INPP4A: variants seen among roughly 807,000 people sequenced by gnomAD.
INPP4A encodes inositol polyphosphate-4-phosphatase type I A, also known as inositol polyphosphate-4-phosphatase, type I, 107kD.
A neutral mutation model predicts 119.8 loss-of-function variants in INPP4A; 33 were observed. That is an observed-to-expected ratio of 0.28 (90% CI 0.21 to 0.37). INPP4A has a LOEUF of 0.37. INPP4A is among the 10% of genes least tolerant of loss of function. The pLI is 1.00. For missense variants in INPP4A, 956 were observed against 1,289.9 expected (o/e 0.74, Z 3.97); for synonymous variants, 496 against 500.7 (o/e 0.99, Z 0.12).
chr2:98,468,269 T>C (rs1250563674), intron 1 of INPP4A, among the ~76,000 whole-genome samples: 2 of 152,240 alleles, frequency 1.3e-5, no homozygotes, highest in Non-Finnish European at 2.9e-5. Context: ...AGGGTCTTGC[T>C]CTGTTGTCTA....
intron 4 of INPP4A, among the ~76,000 whole-genome samples, chr2:98,524,843 AG>A (rs1280901349): frequency 6.6e-6 from 1 of 152,236 alleles, no homozygotes; most frequent in South Asian, 2.1e-4. Context: ...TTTCAAACTC[AG>A]GGTAGGCAAA....
chr2:98,509,171 C>T (rs1684661970), intron 1 of INPP4A, among the ~76,000 whole-genome samples: 1 of 152,192 alleles, frequency 6.6e-6, no homozygotes, highest in Non-Finnish European at 1.5e-5. Context: ...ATCCCTAAGG[C>T]CTGCTCCATA....
chr2:98,456,544 GCTCAGGCTGGT>G (rs1696167637), intron 1 of INPP4A, among the ~76,000 whole-genome samples: 1 of 151,980 alleles, frequency 6.6e-6, no homozygotes, highest in Non-Finnish European at 1.5e-5. Flanking sequence ...TTGTTGTGTT[GCTCAGGCTGGT>G]CTTGAACTCC....
At chr2:98,456,668 T>C (rs1696199122) in intron 1 of INPP4A, among the ~76,000 whole-genome samples, 1 of 152,188 alleles carries the variant, frequency 6.6e-6, no homozygotes, top group African/African-American at 2.4e-5. Flanking sequence ...CTCACCCCTT[T>C]CTTCTGGAAA....
At chr2:98,509,641 C>T (rs1373532047) in intron 1 of INPP4A, among the ~76,000 whole-genome samples, 3 of 152,104 alleles carry the variant, frequency 2.0e-5, no homozygotes, top group Non-Finnish European at 2.9e-5. Context: ...GTGTGGAAGG[C>T]AGTCGGCAGA....
At chr2:98,456,636 A>G (rs1329314395) in intron 1 of INPP4A, among the ~76,000 whole-genome samples, 1 of 152,198 alleles carries the variant, frequency 6.6e-6, no homozygotes, top group Non-Finnish European at 1.5e-5. Context: ...CACTGTACCC[A>G]GCTACTTTTA....
intron 4 of INPP4A, among the ~76,000 whole-genome samples, chr2:98,522,610 CAAAG>C (rs1687429762): frequency 6.6e-6 from 1 of 151,746 alleles, no homozygotes; most frequent in Non-Finnish European, 1.5e-5. Flanking sequence ...GGAGGAAATG[CAAAG>C]AAAGAGGAAA....
At chr2:98,467,844 CTA>C (rs1558888544) in intron 1 of INPP4A, among the ~76,000 whole-genome samples, 1 of 152,056 alleles carries the variant, frequency 6.6e-6, no homozygotes, top group African/African-American at 2.4e-5. Flanking sequence ...ATCTAGTTCT[CTA>C]TTTAATAGTT....
intron 1 of INPP4A, among the ~76,000 whole-genome samples, chr2:98,454,546 C>T (rs1447621856): frequency 3.3e-5 from 5 of 152,150 alleles, no homozygotes; most frequent in South Asian, 2.1e-4. Flanking sequence ...TGCACTGGAC[C>T]GGTGCAAACA....
rs1195673082 is a variant in INPP4A, at chr2:98,555,920, G to GT, written c.1822+112_1822+113insT. ...CCTCCCCCATGCAGACTGCAGGGAG[G>GT]GCTGCCAGGTGGAGCGGGGGCGTCC... is the stretch of plus-strand genomic sequence containing the variant. On this transcript the variant is annotated intron_variant, in intron 16 of 24. Coordinates refer to ENST00000409851, the MANE Select transcript of INPP4A (RefSeq NM_001134225.2). The GT allele has an allele frequency of 3.8e-6, 5 of 1,329,810 alleles. No individual in the cohort carries two copies. The East Asian group carries it at 1.3e-4, about 34-fold the overall frequency. The allele number at this position is 1,329,810 out of a possible 1,614,324, so 82.4% of individuals were successfully genotyped here.
intron 4 of INPP4A, among the ~76,000 whole-genome samples, chr2:98,527,651 G>A (rs1433933282): frequency 6.6e-6 from 1 of 152,168 alleles, no homozygotes. Flanking sequence ...GCAAATGAAG[G>A]CTAAGACAGA....
intron 1 of INPP4A, among the ~76,000 whole-genome samples, chr2:98,462,806 C>T (rs1558878270): frequency 6.6e-6 from 1 of 152,016 alleles, no homozygotes; most frequent in Non-Finnish European, 1.5e-5. Flanking sequence ...CTGGTGTGAT[C>T]CACCATGTCC....
chr2:98,563,421 A>T (rs1370725811), intron 17 of INPP4A, 44 bp from the exon 18 acceptor site: 2 of 1,565,942 alleles, frequency 1.3e-6, no homozygotes, highest in Non-Finnish European at 1.7e-6. Flanking sequence ...CCTAATTCTT[A>T]AAATCTCTCT....
chr2:98,545,937 T>C lies in INPP4A; in HGVS notation c.950-32T>C. ...CTCGTGAATGCAGCATGTATGCTGA[T>C]GGCCTTTATCTTCTCCTATTCCATT... On this transcript the variant is annotated intron_variant, in intron 11 of 24. Transcript: ENST00000409851. 2.7e-6 allele frequency: 4 copies of C among 1,473,788 alleles called. 1 individual carries two copies. Among genetic ancestry groups the C allele is most frequent in the Non-Finnish European group, 3.7e-6 (4 of 1,078,490 alleles). The allele number at this position is 1,473,788 out of a possible 1,614,324, so 91.3% of individuals were successfully genotyped here.
rs111548963 is a variant in INPP4A at position 98,487,432 on chromosome 2, A to G, written c.-165-31532A>G. ...ATTTTTTTTGAGACAAGGTCTTGCT[A>G]TGTTGCCTACACTGGTCTCAAACTC... On this transcript the variant is annotated intron_variant, in intron 1 of 24. Coordinates refer to ENST00000409851, the MANE Select transcript of INPP4A (RefSeq NM_001134225.2). 3.8e-3 allele frequency among the ~76,000 whole-genome samples: 578 copies of G among 152,222 alleles called. 7 individuals carry two copies. The highest frequency in any genetic ancestry group is 0.013 in the African/African-American group (559 of 41,542).
At chr2:98,514,875 AT>A in intron 1 of INPP4A, among the ~76,000 whole-genome samples, 1 of 152,082 alleles carries the variant, frequency 6.6e-6, no homozygotes, top group African/African-American at 2.4e-5. Flanking sequence ...GCCTGATGTC[AT>A]TGCACTCCAG....
intron 1 of INPP4A, among the ~76,000 whole-genome samples, chr2:98,479,670 C>T (rs7576990): frequency 0.022 from 3,377 of 152,278 alleles, 140 homozygotes; most frequent in African/African-American, 0.077. Flanking sequence ...ACATCTGACA[C>T]GCACCAGCTT....
intron 13 of INPP4A, among the ~76,000 whole-genome samples, chr2:98,551,063 C>T (rs1693429242): frequency 6.6e-6 from 1 of 152,092 alleles, no homozygotes; most frequent in Admixed American, 6.5e-5. Flanking sequence ...TCAGTTGACC[C>T]TCCTGCCTCA....
chr2:98,563,248 C>T (rs951228166), intron 17 of INPP4A, among the ~76,000 whole-genome samples: 3 of 151,984 alleles, frequency 2.0e-5, no homozygotes, highest in Admixed American at 6.6e-5. Context: ...TTGGAGGTAC[C>T]GGAGTAGAAC....
Sources: allele counts gnomAD v4.1 joint callset (sites outside exome capture counted in the v4.1 genomes callset), GRCh38; gene constraint gnomAD v4.1.1; transcripts MANE v1.5; gene names NCBI Gene and HGNC (gene_info 2026-07-23, HGNC 2026-07-21).